SKAP1: variants seen among roughly 807,000 people sequenced by gnomAD.
SKAP1 encodes src kinase associated phosphoprotein 1.
Under a neutral mutation model 58.5 loss-of-function variants are expected in SKAP1, and 44 were observed. The ratio of observed to expected loss-of-function variants is 0.75; its 90% CI spans 0.59 to 0.97. The LOEUF is 0.97. Among genes scored for constraint, SKAP1 ranks in the 50% least tolerant of loss-of-function variants. The pLI is 0.00. For synonymous variants in SKAP1, 127 were observed against 149.7 expected, an observed-to-expected ratio of 0.85 and a Z score of 1.11; for missense variants, 390 against 435.2, an observed-to-expected ratio of 0.90 and a Z score of 0.92.
rs2064421964 is a variant in SKAP1, at chr17:48,184,766, T to G, written c.524A>C (p.Glu175Ala). 6.2e-7 allele frequency: 1 copy of G among 1,613,990 alleles called. No individual in the cohort carries two copies. Among genetic ancestry groups the G allele is most frequent in the African/African-American group, 1.3e-5 (1 of 74,910 alleles). The stretch of plus-strand genomic sequence containing the variant: ...CTGGGAGGTCAGTTCAAAGCAGGAT[T>G]CTTTCTTGGAATCTCTTCGCAGGTG... ...APHLRRDSKK[E>A]SCFELTSQDR... is the part of the protein sequence containing the mutation. Residue 175 changes from glutamate (E) to alanine (A), a missense_variant, in exon 7 of 13, where the codon GAA becomes GCA. Coordinates refer to ENST00000336915, the MANE Select transcript of SKAP1 (RefSeq NM_003726.4).
At chr17:48,212,355 T>A (rs2064884028) in intron 4 of SKAP1, among the ~76,000 whole-genome samples, 1 of 152,176 alleles carries the variant, frequency 6.6e-6, no homozygotes, top group South Asian at 2.1e-4. Context: ...ATTATGTGAT[T>A]CAAAAGTCCA....
Position 48,238,255 on chromosome 17 carries a change from A to G in SKAP1, c.281-48755T>C, listed in dbSNP as rs149672625. On this transcript the variant is annotated intron_variant, in intron 4 of 12. Coordinates refer to ENST00000336915, the MANE Select transcript of SKAP1 (RefSeq NM_003726.4). ...GTGATCCACCCGTCTCAGCCTCCCAAAATGCTGGGATTACAGGCTTTGACT... is the reference window on the plus strand; with the variant it reads ...GTGATCCACCCGTCTCAGCCTCCCAGAATGCTGGGATTACAGGCTTTGACT... 3.5e-3 allele frequency among the ~76,000 whole-genome samples: 532 copies of G among 152,234 alleles called. 3 individuals carry two copies. The highest frequency in any genetic ancestry group is 0.01 in the Middle Eastern group (3 of 294).
At chr17:48,282,503 G>A (rs1254867891) in intron 4 of SKAP1, among the ~76,000 whole-genome samples, 1 of 152,174 alleles carries the variant, frequency 6.6e-6, no homozygotes, top group Non-Finnish European at 1.5e-5. Context: ...GCTGGGCAAG[G>A]TGACTCATGC....
At chr17:48,338,324 A>G (rs185055152) in intron 4 of SKAP1, among the ~76,000 whole-genome samples, 2 of 151,722 alleles carry the variant, frequency 1.3e-5, no homozygotes, top group Admixed American at 1.3e-4. Context: ...TAATTTTTTC[A>G]TATTTTTAGT....
chr17:48,143,261 C>T (rs150720755), intron 11 of SKAP1, among the ~76,000 whole-genome samples: 1,455 of 139,680 alleles, frequency 0.01, 11 homozygotes, highest in Non-Finnish European at 0.018. Context: ...GTGGCATGAT[C>T]TCGGCTCACT....
chr17:48,314,361 G>A (rs556466509), intron 4 of SKAP1, among the ~76,000 whole-genome samples: 184 of 152,292 alleles, frequency 1.2e-3, no homozygotes, highest in Non-Finnish European at 1.8e-3. Flanking sequence ...CAAATCACCT[G>A]TTTATTTTGG....
intron 4 of SKAP1, among the ~76,000 whole-genome samples, chr17:48,291,097 T>G (rs1598518568): frequency 6.6e-6 from 1 of 152,174 alleles, no homozygotes; most frequent in Non-Finnish European, 1.5e-5. Context: ...CCAGCCTGGG[T>G]GACAGAGTAG....
chr17:48,396,617 T>A (rs1341016983), intron 2 of SKAP1, 63 bp downstream of exon 2: 1 of 1,077,760 alleles, frequency 9.3e-7, no homozygotes, highest in Non-Finnish European at 1.4e-6. Context: ...GTGACTTTAT[T>A]TTACTGATTA....
At chr17:48,216,484 T>A (rs139006015) in intron 4 of SKAP1, among the ~76,000 whole-genome samples, 2 of 150,352 alleles carry the variant, frequency 1.3e-5, no homozygotes, top group African/African-American at 2.5e-5. Context: ...CACCCAATAC[T>A]GTGAATATAC....
Position 48,184,801 on chromosome 17 carries a change from C to T in SKAP1, c.489G>A (p.Arg163=). The change falls in exon 7 of 13, where the codon CGG becomes CGA. Residue 163 remains arginine (R), a synonymous_variant. Transcript: ENST00000336915. ...AATCTCTTCGCAGGTGGGGGGCCAT[C>T]CGTACACCGTAGCCCTTAATGAGGA... is the stretch of plus-strand genomic sequence containing the variant. ...GTFLIKGYGV[R]MAPHLRRDSK... is the part of the protein sequence containing the mutation. 1.2e-6 allele frequency: 2 copies of T among 1,613,988 alleles called. No homozygotes were observed. The highest frequency in any genetic ancestry group is 2.2e-5 in the East Asian group (1 of 44,870).
chr17:48,349,294 A>G (rs888147893), intron 3 of SKAP1, among the ~76,000 whole-genome samples: 3 of 152,224 alleles, frequency 2.0e-5, no homozygotes, highest in African/African-American at 7.2e-5. Flanking sequence ...ACTGTAGTCC[A>G]GTGGGATCAG....
At chr17:48,206,318 G>A (rs1043600275) in intron 4 of SKAP1, among the ~76,000 whole-genome samples, 1 of 152,090 alleles carries the variant, frequency 6.6e-6, no homozygotes, top group Non-Finnish European at 1.5e-5. Context: ...AGGTATGGGG[G>A]AAGGGGTGTG....
intron 4 of SKAP1, among the ~76,000 whole-genome samples, chr17:48,331,560 G>A (rs542180112): frequency 7.2e-5 from 11 of 152,216 alleles, no homozygotes; most frequent in African/African-American, 2.4e-4. Flanking sequence ...TTAGCCGGGC[G>A]TGGTGGCGCA....
At chr17:48,343,108 G>A (rs573446254) in intron 4 of SKAP1, among the ~76,000 whole-genome samples, 2 of 152,162 alleles carry the variant, frequency 1.3e-5, no homozygotes, top group South Asian at 4.2e-4. Flanking sequence ...TTTTCCCAGT[G>A]AGATGGTAAG....
At chr17:48,184,083 C>G (rs2064409493) in intron 7 of SKAP1, among the ~76,000 whole-genome samples, 1 of 152,070 alleles carries the variant, frequency 6.6e-6, no homozygotes. Flanking sequence ...GGTCATTCAG[C>G]ATGAAGATGG....
intron 1 of SKAP1, among the ~76,000 whole-genome samples, chr17:48,421,167 G>C (rs2067788608): frequency 6.6e-6 from 1 of 152,120 alleles, no homozygotes; most frequent in Non-Finnish European, 1.5e-5. Flanking sequence ...ACGATAATCA[G>C]AATGAAGTTC....
intron 1 of SKAP1, among the ~76,000 whole-genome samples, chr17:48,405,334 T>G (rs2067555512): frequency 7.5e-6 from 1 of 132,624 alleles, no homozygotes; most frequent in South Asian, 2.2e-4. Context: ...TCCTGGGCTA[T>G]TTTGCTTTTT....
chr17:48,170,542 G>A (rs1198942596), intron 10 of SKAP1, 67 bp downstream of exon 10: 21 of 1,335,544 alleles, frequency 1.6e-5, no homozygotes, highest in Non-Finnish European at 2.3e-5. Flanking sequence ...CTCAGAGAAA[G>A]GTGCTTTCTC....
intron 2 of SKAP1, among the ~76,000 whole-genome samples, chr17:48,376,293 C>T (rs1164769211): frequency 1.3e-5 from 2 of 152,020 alleles, no homozygotes; most frequent in Admixed American, 1.3e-4. Flanking sequence ...AAATCATTTA[C>T]TCTAGCCTTC....
Sources: allele counts gnomAD v4.1 joint callset (sites outside exome capture counted in the v4.1 genomes callset), GRCh38; gene constraint gnomAD v4.1.1; transcripts MANE v1.5; gene names NCBI Gene and HGNC (gene_info 2026-07-23, HGNC 2026-07-21).